GPR158: variants seen among roughly 807,000 people sequenced by gnomAD.
GPR158 encodes the protein metabotropic glycine receptor.
A neutral mutation model predicts 78.2 loss-of-function variants in GPR158; 30 were observed. That is an observed-to-expected ratio of 0.38 (90% CI 0.29 to 0.52). The LOEUF (loss-of-function observed/expected upper bound fraction) is 0.52, where lower values mean the gene tolerates loss of function less well. GPR158 is among the 20% of genes least tolerant of loss of function. The probability of loss-of-function intolerance (pLI) is 0.83; values close to 1 mark genes in which losing one functional copy is unlikely to be tolerated. For synonymous variants in GPR158, 581 were observed against 591.1 expected (o/e 0.98, Z 0.25); for missense variants, 1,463 against 1,523.5 (o/e 0.96, Z 0.66).
At chr10:25,337,934 G>T (rs1855232576) in intron 2 of GPR158, among the ~76,000 whole-genome samples, 1 of 151,714 alleles carries the variant, frequency 6.6e-6, no homozygotes. Context: ...ATCCTTTTTT[G>T]AAATTAATAT....
chr10:25,448,508 T>A (rs1432309945), intron 4 of GPR158, among the ~76,000 whole-genome samples: 1 of 152,242 alleles, frequency 6.6e-6, no homozygotes, highest in African/African-American at 2.4e-5. Flanking sequence ...TTTGTGCCTC[T>A]CTTTGCCTGT....
At chr10:25,544,772 A>G (rs1444924053) in intron 5 of GPR158, among the ~76,000 whole-genome samples, 1 of 152,148 alleles carries the variant, frequency 6.6e-6, no homozygotes, top group Non-Finnish European at 1.5e-5. Context: ...GGTTTGTTAC[A>G]TAGGTATACA....
At chr10:25,188,654 A>C (rs1290087198) in intron 1 of GPR158, among the ~76,000 whole-genome samples, 1 of 152,226 alleles carries the variant, frequency 6.6e-6, no homozygotes, top group East Asian at 1.9e-4. Flanking sequence ...GAAGACTTAA[A>C]CGTTAGACCT....
intron 2 of GPR158, among the ~76,000 whole-genome samples, chr10:25,238,426 A>G (rs1853557884): frequency 1.3e-5 from 2 of 152,236 alleles, no homozygotes; most frequent in Admixed American, 6.5e-5. Context: ...ATAACAATAA[A>G]TTCATAATTT....
intron 2 of GPR158, among the ~76,000 whole-genome samples, chr10:25,306,278 C>G (rs1854675511): frequency 6.6e-6 from 1 of 152,112 alleles, no homozygotes; most frequent in Non-Finnish European, 1.5e-5. Context: ...CCATAATTTG[C>G]CTATACTGGG....
At chr10:25,478,081 G>C in intron 5 of GPR158, among the ~76,000 whole-genome samples, 1 of 152,170 alleles carries the variant, frequency 6.6e-6, no homozygotes, top group Non-Finnish European at 1.5e-5. Flanking sequence ...AGGCATGGAA[G>C]CTGCCCAGTG....
Position 25,490,317 on chromosome 10 carries a change from G to C in GPR158, c.1404+23598G>C, listed in dbSNP as rs1835789092. Among the ~76,000 whole-genome samples the C allele has an allele frequency of 2.0e-5, 3 of 149,474 alleles. No individual in the cohort carries two copies. The South Asian group carries it at 6.5e-4, about 32-fold the overall frequency. ...TGTCTTTTTTTTAATTATACTTTAA[G>C]TTTTAGGGTACATGTGCACATTGTG... On this transcript the variant is annotated intron_variant, in intron 5 of 10. Coordinates refer to ENST00000376351, the MANE Select transcript of GPR158 (RefSeq NM_020752.3).
chr10:25,229,516 A>T (rs1294414447), intron 2 of GPR158, among the ~76,000 whole-genome samples: 1 of 152,178 alleles, frequency 6.6e-6, no homozygotes, highest in Non-Finnish European at 1.5e-5. Flanking sequence ...TGTGCTTTAT[A>T]TGCATTTCTT....
At chr10:25,277,520 G>T (rs376468065) in intron 2 of GPR158, among the ~76,000 whole-genome samples, 28 of 151,808 alleles carry the variant, frequency 1.8e-4, no homozygotes, top group African/African-American at 6.5e-4. Flanking sequence ...ACAAACAAAC[G>T]AACAAGAAAC....
intron 6 of GPR158, among the ~76,000 whole-genome samples, chr10:25,567,242 A>G (rs1402739895): frequency 6.6e-6 from 1 of 152,234 alleles, no homozygotes; most frequent in Non-Finnish European, 1.5e-5. Context: ...CATCGGCATA[A>G]TAAAAACGGA....
chr10:25,395,278 T>C (rs193287957), intron 2 of GPR158, among the ~76,000 whole-genome samples: 43 of 152,306 alleles, frequency 2.8e-4, no homozygotes, highest in African/African-American at 1.0e-3. Flanking sequence ...CTTCCTTATA[T>C]GTATATGTAA....
At chr10:25,355,789 G>T (rs1020664193) in intron 2 of GPR158, among the ~76,000 whole-genome samples, 1 of 152,020 alleles carries the variant, frequency 6.6e-6, no homozygotes. Flanking sequence ...GAATGGGGTG[G>T]GTTTCAAAGG....
intron 4 of GPR158, among the ~76,000 whole-genome samples, chr10:25,446,355 C>T (rs1001876803): frequency 2.6e-5 from 4 of 152,110 alleles, no homozygotes; most frequent in Non-Finnish European, 5.9e-5. Flanking sequence ...TGAGAACAGC[C>T]TTCATGATAT....
intron 3 of GPR158, among the ~76,000 whole-genome samples, chr10:25,410,664 A>C (rs1834571036): frequency 6.6e-6 from 1 of 152,154 alleles, no homozygotes. Context: ...ACAGCAATTC[A>C]TGTTTCATAA....
chr10:25,348,056 C>A (rs1280595037), intron 2 of GPR158, among the ~76,000 whole-genome samples: 2 of 151,922 alleles, frequency 1.3e-5, no homozygotes, highest in Non-Finnish European at 2.9e-5. Flanking sequence ...CTCCACATTT[C>A]TGAGCTATCA....
In GPR158 at chr10:25,400,555, T is replaced by A. The variant is rs572471355; in HGVS notation, c.1111+4542T>A. ...ATTGCTCTTGAAATTGGTAATCACA[T>A]GTGAGTTAGCAGGATCTGACATCTG... On this transcript the variant is annotated intron_variant, in intron 3 of 10. Coordinates refer to ENST00000376351, the MANE Select transcript of GPR158 (RefSeq NM_020752.3). 1.8e-4 allele frequency among the ~76,000 whole-genome samples: 28 copies of A among 152,292 alleles called. No individual in the cohort carries two copies. In the South Asian group the frequency reaches 5.8e-3, roughly 32 times the overall value.
chr10:25,175,164 A>G lies in GPR158; in HGVS notation c.-257A>G. 4.9e-6 allele frequency: 2 copies of G among 410,352 alleles called. No individual in the cohort carries two copies. The highest frequency in any genetic ancestry group is 4.2e-5 in the Admixed American group (1 of 24,038). 25.4% of individuals were successfully genotyped at this position (410,352 alleles called of 1,614,324 possible). A position where few individuals can be genotyped will look rare whatever the true frequency, so the allele number is the denominator to read the frequency against. ...GTAACCCGCTCGGCTCCAGGCTGCG[A>G]GGTGCGTAATCCCCAGCCGGCCCCT... On this transcript the variant is annotated 5_prime_UTR_variant, in exon 1 of 11. Coordinates refer to ENST00000376351, the MANE Select transcript of GPR158 (RefSeq NM_020752.3). This position sits in a 1 kb window ranked among gnomAD's most constrained non-coding sequence, Gnocchi z 6.4.
rs1421269207 is a variant in GPR158, at chr10:25,519,441, G to A, written c.1405-31535G>A. Among the ~76,000 whole-genome samples the A allele has an allele frequency of 8.9e-4, 110 of 123,380 alleles. 2 individuals are homozygous for A. Among genetic ancestry groups the A allele is most frequent in the African/African-American group, 2.8e-3 (72 of 25,930 alleles). 80.9% of individuals were successfully genotyped at this position (123,380 alleles called of 152,430 possible). A position where few individuals can be genotyped will look rare whatever the true frequency, so the allele number is the denominator to read the frequency against. On this transcript the variant is annotated intron_variant, in intron 5 of 10. Coordinates refer to ENST00000376351, the MANE Select transcript of GPR158 (RefSeq NM_020752.3). ...ATGATGTTAGCTGGTGATTTTGCTC[G>A]TTAGTTGATGCAGTTTCTTCCTAGT...
chr10:25,251,409 C>G (rs1190236272), intron 2 of GPR158, among the ~76,000 whole-genome samples: 2 of 151,540 alleles, frequency 1.3e-5, no homozygotes, highest in Admixed American at 6.6e-5. Flanking sequence ...TTCCTAGTCT[C>G]GATGGTCTTT....
Sources: gnomAD v4.1 joint callset for allele counts (sites outside exome capture counted in the v4.1 genomes callset) on GRCh38, gnomAD v4.1.1 for gene constraint, Gnocchi (gnomAD v3.1) non-coding constraint, MANE v1.5 for transcripts, NCBI Gene and HGNC (gene_info 2026-07-23, HGNC 2026-07-21) for gene names.